LRFN5: variants seen among roughly 807,000 people sequenced by gnomAD.
The protein encoded by LRFN5 is leucine-rich repeat and fibronectin type-III domain-containing protein 5.
LRFN5 carries 24 observed loss-of-function variants against 45.6 expected under a neutral mutation model. The ratio of observed to expected loss-of-function variants is 0.53; its 90% CI spans 0.38 to 0.74. The LOEUF (loss-of-function observed/expected upper bound fraction) is 0.74, where lower values mean the gene tolerates loss of function less well. LRFN5 is among the 30% of genes least tolerant of loss of function. The probability of loss-of-function intolerance (pLI) is 0.00; values close to 1 mark genes in which losing one functional copy is unlikely to be tolerated. For synonymous variants in LRFN5, 340 were observed against 313.8 expected, an observed-to-expected ratio of 1.08 and a Z score of -0.88; for missense variants, 776 against 861.5, an observed-to-expected ratio of 0.90 and a Z score of 1.24.
At chr14:41,739,385 A>AATC (rs60722886) in intron 1 of LRFN5, among the ~76,000 whole-genome samples, 59,305 of 148,242 alleles carry the variant, frequency 0.4, 12,125 homozygotes, top group South Asian at 0.48. Context: ...ACATTGTGTC[A>AATC]ATCATCATCA....
intron 2 of LRFN5, among the ~76,000 whole-genome samples, chr14:41,837,942 A>G (rs1221744055): frequency 6.6e-6 from 1 of 152,218 alleles, no homozygotes; most frequent in Admixed American, 6.5e-5. Context: ...GCTTTTGCTT[A>G]TGAACATATA....
chr14:41,777,042 T>G (rs892674062), intron 2 of LRFN5, among the ~76,000 whole-genome samples: 3 of 151,984 alleles, frequency 2.0e-5, no homozygotes. Context: ...TTTCTATTTA[T>G]TTTATTGTTA....
intron 1 of LRFN5, among the ~76,000 whole-genome samples, chr14:41,678,291 G>T (rs139093712): frequency 2.1e-4 from 32 of 151,238 alleles, no homozygotes; most frequent in Non-Finnish European, 1.0e-4. Context: ...TATATATTCC[G>T]TATATGTATA....
At chr14:41,772,184 C>T (rs1006857724) in intron 2 of LRFN5, among the ~76,000 whole-genome samples, 17 of 152,170 alleles carry the variant, frequency 1.1e-4, no homozygotes, top group African/African-American at 3.9e-4. Flanking sequence ...ACTCACTCAT[C>T]ACCAAGGAGA....
At chr14:41,894,903 T>C (rs1594504876) in intron 4 of LRFN5, 7 of 983,802 alleles carry the variant, frequency 7.1e-6, no homozygotes, top group Non-Finnish European at 8.4e-6. Flanking sequence ...TAAACAGTCA[T>C]ATATATGTGA....
intron 1 of LRFN5, among the ~76,000 whole-genome samples, chr14:41,647,548 A>G (rs1566602154): frequency 6.6e-6 from 1 of 152,162 alleles, no homozygotes; most frequent in Admixed American, 6.5e-5. Context: ...TGGTAACTGA[A>G]GGGGGCAGAG....
At chr14:41,781,065 A>G (rs191824460) in intron 2 of LRFN5, among the ~76,000 whole-genome samples, 100 of 152,270 alleles carry the variant, frequency 6.6e-4, no homozygotes, top group African/African-American at 2.4e-3. Context: ...ACTTCGAACA[A>G]CTAGCTATCT....
At chr14:41,677,294 A>T (rs912618858) in intron 1 of LRFN5, among the ~76,000 whole-genome samples, 16 of 152,174 alleles carry the variant, frequency 1.1e-4, no homozygotes, top group Non-Finnish European at 1.6e-4. Flanking sequence ...GAGTCACTAC[A>T]ATCTATTAGC....
intron 1 of LRFN5, among the ~76,000 whole-genome samples, chr14:41,710,201 C>T (rs1883226037): frequency 6.6e-6 from 1 of 152,084 alleles, no homozygotes; most frequent in Non-Finnish European, 1.5e-5. Context: ...CAATATAATA[C>T]TGCAAGAAAG....
At chr14:41,706,118 GAC>G (rs1411128523) in intron 1 of LRFN5, among the ~76,000 whole-genome samples, 1 of 143,972 alleles carries the variant, frequency 6.9e-6, no homozygotes. Context: ...GTTTTTTTTT[GAC>G]ACAGAGTTTT....
At chr14:41,876,236 T>A (rs892531535) in intron 2 of LRFN5, among the ~76,000 whole-genome samples, 2 of 151,736 alleles carry the variant, frequency 1.3e-5, no homozygotes, top group Non-Finnish European at 2.9e-5. Flanking sequence ...AAAATGTAGA[T>A]ACACTGAGCA....
chr14:41,784,816 A>G (rs1886660399), intron 2 of LRFN5, among the ~76,000 whole-genome samples: 1 of 151,956 alleles, frequency 6.6e-6, no homozygotes, highest in Non-Finnish European at 1.5e-5. Context: ...TTTAGTAGAG[A>G]CAGAGTTTCA....
chr14:41,862,555 G>A (rs1298773333), intron 2 of LRFN5, among the ~76,000 whole-genome samples: 3 of 152,008 alleles, frequency 2.0e-5, no homozygotes, highest in Admixed American at 1.3e-4. Flanking sequence ...GCATGCACTC[G>A]TGTTGGATAT....
chr14:41,808,717 T>G (rs1409033819), intron 2 of LRFN5, among the ~76,000 whole-genome samples: 1 of 152,008 alleles, frequency 6.6e-6, no homozygotes, highest in African/African-American at 2.4e-5. Flanking sequence ...TCAAAATAAG[T>G]AAAACTCCTT....
At chr14:41,856,222 G>C (rs1489829229) in intron 2 of LRFN5, among the ~76,000 whole-genome samples, 1 of 152,182 alleles carries the variant, frequency 6.6e-6, no homozygotes, top group Non-Finnish European at 1.5e-5. Flanking sequence ...GATCCAGACA[G>C]TAAACAAAGG....
intron 2 of LRFN5, among the ~76,000 whole-genome samples, chr14:41,839,339 C>A (rs1205487739): frequency 6.6e-6 from 1 of 151,898 alleles, no homozygotes; most frequent in African/African-American, 2.4e-5. Context: ...AAAGAAGGAA[C>A]TTCTTAATGA....
At chr14:41,735,856 T>C (rs1884408079) in intron 1 of LRFN5, among the ~76,000 whole-genome samples, 1 of 152,102 alleles carries the variant, frequency 6.6e-6, no homozygotes, top group Admixed American at 6.6e-5. Flanking sequence ...ACATGTGGTG[T>C]TTGGATTTCT....
chr14:41,699,771 A>G (rs886625398), intron 1 of LRFN5: 4 of 152,106 alleles, frequency 2.6e-5, no homozygotes, highest in Non-Finnish European at 5.9e-5. Flanking sequence ...TTACATGGAG[A>G]TATCATCAAC....
intron 1 of LRFN5, among the ~76,000 whole-genome samples, chr14:41,745,552 A>G (rs1322765256): frequency 6.6e-6 from 1 of 152,020 alleles, no homozygotes; most frequent in African/African-American, 2.4e-5. Flanking sequence ...GATCATTGAA[A>G]TAAATAATAG....
Sources: gnomAD v4.1 joint callset for allele counts (sites outside exome capture counted in the v4.1 genomes callset) on GRCh38, gnomAD v4.1.1 for gene constraint, MANE v1.5 for transcripts, NCBI Gene and HGNC (gene_info 2026-07-23, HGNC 2026-07-21) for gene names.